The following TTC28 variants were observed in gnomAD, a reference collection of about 807,000 sequenced individuals.
TTC28 encodes tetratricopeptide repeat protein 28.
In TTC28, 61 loss-of-function variants were observed where a neutral mutation model predicts 198.0. That is an observed-to-expected ratio of 0.31 (90% confidence interval 0.25 to 0.38). The LOEUF (loss-of-function observed/expected upper bound fraction) is 0.38, where lower values mean the gene tolerates loss of function less well. Among genes scored for constraint, TTC28 ranks in the 10% least tolerant of loss-of-function variants. The probability of loss-of-function intolerance (pLI) is 1.00; values close to 1 mark genes in which losing one functional copy is unlikely to be tolerated. For missense variants in TTC28, 2,678 were observed against 3,164.0 expected (o/e 0.85, Z 3.69); for synonymous variants, 1,171 against 1,297.8 (o/e 0.90, Z 2.10).
chr22:28,106,561 G>A (rs2146897357), intron 7 of TTC28, among the ~76,000 whole-genome samples: 1 of 152,262 alleles, frequency 6.6e-6, no homozygotes, highest in South Asian at 2.1e-4. Flanking sequence ...TTGCACAGAT[G>A]ATGCATGCAA....
At chr22:28,419,604 G>T (rs916242642) in intron 2 of TTC28, among the ~76,000 whole-genome samples, 1 of 152,198 alleles carries the variant, frequency 6.6e-6, no homozygotes, top group African/African-American at 2.4e-5. Flanking sequence ...AGCATATGAT[G>T]CTAAACAGCC....
At chr22:28,575,807 T>C (rs1002093180) in intron 2 of TTC28, among the ~76,000 whole-genome samples, 17 of 152,158 alleles carry the variant, frequency 1.1e-4, no homozygotes, top group African/African-American at 3.9e-4. Context: ...TTTCAGACTG[T>C]TTGCTGTTGG....
rs528928709 is a variant in TTC28 at position 28,186,187 on chromosome 22, G to A, written c.934-22588C>T. On this transcript the variant is annotated intron_variant, in intron 5 of 22. Coordinates refer to ENST00000397906, the MANE Select transcript of TTC28 (RefSeq NM_001145418.2). The stretch of plus-strand genomic sequence containing the variant: ...CAATTCTATTACACTGATGTTTTTT[G>A]AGCAACATACCATTTTTTACTGCCT... Among the ~76,000 whole-genome samples, 7 of 152,108 alleles carry A rather than the reference G, an allele frequency of 4.6e-5. No individual in the cohort carries two copies. The South Asian group carries it at 1.2e-3, about 27-fold the overall frequency.
intron 2 of TTC28, among the ~76,000 whole-genome samples, chr22:28,353,500 T>C (rs1460492480): frequency 2.6e-5 from 4 of 152,122 alleles, no homozygotes; most frequent in African/African-American, 9.7e-5. Flanking sequence ...AGACAGACAT[T>C]GACCAATGGA....
intron 2 of TTC28, among the ~76,000 whole-genome samples, chr22:28,464,756 C>G (rs981791862): frequency 2.6e-5 from 4 of 152,194 alleles, no homozygotes. Context: ...GTTATCACTT[C>G]ATTTTCAATA....
At chr22:28,079,781 T>C (rs1337581253) in intron 12 of TTC28, among the ~76,000 whole-genome samples, 1 of 152,140 alleles carries the variant, frequency 6.6e-6, no homozygotes, top group African/African-American at 2.4e-5. Flanking sequence ...TAGGCTGGTG[T>C]ACAGTGGCAC....
chr22:28,349,146 C>T (rs974135715), intron 2 of TTC28, among the ~76,000 whole-genome samples: 1 of 152,018 alleles, frequency 6.6e-6, no homozygotes, highest in African/African-American at 2.4e-5. Context: ...TGAAACCTTC[C>T]CAAGTTCATC....
chr22:28,672,163 A>G (rs1365351072), intron 1 of TTC28, among the ~76,000 whole-genome samples: 1 of 151,510 alleles, frequency 6.6e-6, no homozygotes, highest in African/African-American at 2.4e-5. Context: ...AGTAGATGGG[A>G]CTATAGGCTA....
At chr22:28,553,318 C>A (rs147721668) in intron 2 of TTC28, among the ~76,000 whole-genome samples, 1 of 151,252 alleles carries the variant, frequency 6.6e-6, no homozygotes, top group Non-Finnish European at 1.5e-5. Context: ...CTCTGCCCAG[C>A]GCCATCCCAT....
At chr22:28,269,286 G>A (rs1931894273) in intron 5 of TTC28, among the ~76,000 whole-genome samples, 1 of 152,044 alleles carries the variant, frequency 6.6e-6, no homozygotes, top group Non-Finnish European at 1.5e-5. Context: ...CGATGTCAAA[G>A]GGTATTTGAA....
At chr22:28,531,995 A>C (rs2049150944) in intron 2 of TTC28, among the ~76,000 whole-genome samples, 1 of 152,246 alleles carries the variant, frequency 6.6e-6, no homozygotes, top group African/African-American at 2.4e-5. Context: ...TCACAATTAA[A>C]AGAACTTGAG....
At chr22:28,447,788 A>G (rs2047724584) in intron 2 of TTC28, among the ~76,000 whole-genome samples, 1 of 152,250 alleles carries the variant, frequency 6.6e-6, no homozygotes, top group Admixed American at 6.5e-5. Context: ...TCAAAGTGAT[A>G]CAAGGCTTTA....
intron 2 of TTC28, among the ~76,000 whole-genome samples, chr22:28,384,501 C>T (rs753182830): frequency 3.3e-5 from 5 of 152,194 alleles, no homozygotes; most frequent in Non-Finnish European, 5.9e-5. Flanking sequence ...AGAACATAAG[C>T]TCCATGAAAG....
chr22:28,646,297 T>C (rs1428085311), intron 1 of TTC28, among the ~76,000 whole-genome samples: 1 of 152,168 alleles, frequency 6.6e-6, no homozygotes, highest in Non-Finnish European at 1.5e-5. Flanking sequence ...AACTCAGTCC[T>C]TTTTACAGTG....
intron 5 of TTC28, among the ~76,000 whole-genome samples, chr22:28,285,396 C>T (rs1254379025): frequency 1.3e-5 from 2 of 152,068 alleles, no homozygotes; most frequent in East Asian, 1.9e-4. Context: ...ACAGTGGTTG[C>T]CAGGGCTTGG....
intron 2 of TTC28, among the ~76,000 whole-genome samples, chr22:28,586,584 C>A (rs2050322608): frequency 6.6e-6 from 1 of 151,912 alleles, no homozygotes; most frequent in Non-Finnish European, 1.5e-5. Flanking sequence ...CTCTGTAAAG[C>A]AGAAAGCAAG....
rs776662192 is a variant in TTC28, at chr22:28,606,325, G to A, written c.381+23227C>T. ...GGGCTGGTCTCGAACCCCTGACCTC[G>A]CGATCCACCTGCCTCAGCCTCCCAA... On this transcript the variant is annotated intron_variant, in intron 2 of 22. Coordinates refer to ENST00000397906, the MANE Select transcript of TTC28 (RefSeq NM_001145418.2). Among the ~76,000 whole-genome samples the A allele has an allele frequency of 4.3e-4, 66 of 151,812 alleles. 1 individual carries two copies. The highest frequency in any genetic ancestry group is 2.6e-4 in the Admixed American group (4 of 15,192).
chr22:28,629,306 T>TA (rs892550921), intron 2 of TTC28: 143 of 450,954 alleles, frequency 3.2e-4, no homozygotes, highest in Non-Finnish European at 3.9e-4. Context: ...GCGGCACAGA[T>TA]AAAAAAAAAT....
At chr22:28,513,609 T>TA (rs2048727100) in intron 2 of TTC28, among the ~76,000 whole-genome samples, 1 of 152,140 alleles carries the variant, frequency 6.6e-6, no homozygotes, top group Admixed American at 6.6e-5. Context: ...CTCTAAATTT[T>TA]AAAAAGTTTG....
Sources: allele counts gnomAD v4.1 joint callset (sites outside exome capture counted in the v4.1 genomes callset), GRCh38; gene constraint gnomAD v4.1.1; transcripts MANE v1.5; gene names NCBI Gene and HGNC (gene_info 2026-07-23, HGNC 2026-07-21).